Variants in CTNNA2 observed in about 807,000 individuals in gnomAD.
CTNNA2 encodes the protein catenin alpha-2.
Under a neutral mutation model 101.0 loss-of-function variants are expected in CTNNA2, and 42 were observed. The observed-to-expected ratio is 0.42, with a 90% CI of 0.32 to 0.54. The LOEUF is 0.54. Among genes scored for constraint, CTNNA2 ranks in the 20% least tolerant of loss-of-function variants. The probability of loss-of-function intolerance (pLI) is 0.14; values close to 1 mark genes in which losing one functional copy is unlikely to be tolerated. For synonymous variants in CTNNA2, 450 were observed against 456.4 expected (o/e 0.99, Z 0.18); for missense variants, 871 against 1,223.1 (o/e 0.71, Z 4.29).
intron 7 of CTNNA2, among the ~76,000 whole-genome samples, chr2:80,161,187 T>C (rs886696619): frequency 4.6e-5 from 7 of 152,172 alleles, no homozygotes; most frequent in Non-Finnish European, 1.0e-4. Flanking sequence ...AGCTAATTTT[T>C]GTACTTTTAG....
chr2:79,598,214 A>G (rs551894831), intron 1 of CTNNA2, among the ~76,000 whole-genome samples: 3 of 152,346 alleles, frequency 2.0e-5, no homozygotes, highest in South Asian at 2.1e-4. Context: ...TCACATAATG[A>G]AGGACATCTT....
chr2:80,583,598 CCTAGTATCCACTGA>C (rs1331358648), intron 14 of CTNNA2, among the ~76,000 whole-genome samples: 3 of 152,068 alleles, frequency 2.0e-5, no homozygotes, highest in Non-Finnish European at 4.4e-5. Context: ...ATACATACAG[CCTAGTATCCACTGA>C]CTAGTTTTCT....
chr2:80,174,429 T>C (rs1426720380), intron 7 of CTNNA2, among the ~76,000 whole-genome samples: 1 of 152,180 alleles, frequency 6.6e-6, no homozygotes, highest in Non-Finnish European at 1.5e-5. Flanking sequence ...CGTCATCCTC[T>C]GGGGCTACCT....
intron 9 of CTNNA2, among the ~76,000 whole-genome samples, chr2:80,433,187 A>G (rs1405419817): frequency 1.3e-5 from 2 of 152,088 alleles, no homozygotes; most frequent in African/African-American, 4.8e-5. Context: ...AAAAAAACCT[A>G]ATTTGCAATT....
chr2:79,746,828 A>G (rs1360268386), intron 3 of CTNNA2, among the ~76,000 whole-genome samples: 1 of 152,202 alleles, frequency 6.6e-6, no homozygotes, highest in African/African-American at 2.4e-5. Context: ...AGGATAATTA[A>G]GTATTTGTGA....
At chr2:79,459,732 T>G (rs532036177) in intron 4 of CTNNA2, among the ~76,000 whole-genome samples, 1 of 152,172 alleles carries the variant, frequency 6.6e-6, no homozygotes, top group Non-Finnish European at 1.5e-5. Flanking sequence ...TTAATATCTT[T>G]AGCATTGGTC....
chr2:79,512,961 C>A (rs1014802669), upstream of CTNNA2: 1 of 151,786 alleles, frequency 6.6e-6, no homozygotes, highest in Non-Finnish European at 1.5e-5. Flanking sequence ...CGCTGCCGCT[C>A]GCGCTTGGGC....
At chr2:80,232,862 C>T (rs1025840251) in intron 7 of CTNNA2, among the ~76,000 whole-genome samples, 3 of 152,150 alleles carry the variant, frequency 2.0e-5, no homozygotes, top group Non-Finnish European at 2.9e-5. Context: ...TCTCAACTTA[C>T]ACATGATGCA....
intron 2 of CTNNA2, among the ~76,000 whole-genome samples, chr2:79,674,137 C>G (rs908363881): frequency 6.6e-6 from 1 of 152,180 alleles, no homozygotes; most frequent in Non-Finnish European, 1.5e-5. Flanking sequence ...TCTGCACGAT[C>G]TGAGACATGT....
At chr2:79,457,091 A>G (rs1475742701) in intron 4 of CTNNA2, among the ~76,000 whole-genome samples, 1 of 151,762 alleles carries the variant, frequency 6.6e-6, no homozygotes, top group Non-Finnish European at 1.5e-5. Context: ...AGTCCCAGCT[A>G]CTCAGGAGGC....
intron 3 of CTNNA2, among the ~76,000 whole-genome samples, chr2:79,751,201 A>T (rs1487963114): frequency 1.3e-5 from 2 of 152,180 alleles, no homozygotes; most frequent in African/African-American, 4.8e-5. Flanking sequence ...TTCAGGCTGT[A>T]TCTAATTTTC....
At chr2:79,449,727 C>G (rs1472404436) in intron 4 of CTNNA2, among the ~76,000 whole-genome samples, 1 of 151,980 alleles carries the variant, frequency 6.6e-6, no homozygotes, top group Non-Finnish European at 1.5e-5. Flanking sequence ...CCTTGCTATT[C>G]CACATGAGCT....
chr2:79,352,473 CT>C (rs1472806199), intron 3 of CTNNA2, among the ~76,000 whole-genome samples: 2 of 152,044 alleles, frequency 1.3e-5, no homozygotes, highest in African/African-American at 4.8e-5. Flanking sequence ...GATATTCTCT[CT>C]TTTTTTCTGT....
intron 3 of CTNNA2, among the ~76,000 whole-genome samples, chr2:79,343,914 A>C (rs1677196553): frequency 6.6e-6 from 1 of 152,168 alleles, no homozygotes; most frequent in Non-Finnish European, 1.5e-5. Flanking sequence ...CAGAGACATA[A>C]GATAATAAAA....
At chr2:79,285,096 C>T (rs1043282875) in intron 2 of CTNNA2, among the ~76,000 whole-genome samples, 3 of 150,294 alleles carry the variant, frequency 2.0e-5, no homozygotes, top group Admixed American at 1.3e-4. Context: ...TCTGTGGGAT[C>T]GGTGGTGATA....
At chr2:79,365,631 A>C (rs997003163) in intron 3 of CTNNA2, among the ~76,000 whole-genome samples, 1 of 151,960 alleles carries the variant, frequency 6.6e-6, no homozygotes, top group Non-Finnish European at 1.5e-5. Context: ...CTAAAAAAAA[A>C]AAAGGAGAAA....
chr2:80,155,449 C>T (rs906549676), intron 7 of CTNNA2, among the ~76,000 whole-genome samples: 3 of 152,202 alleles, frequency 2.0e-5, no homozygotes, highest in Admixed American at 2.0e-4. Context: ...ACTGTTTCTG[C>T]CACAAAATCA....
At position 79,271,845 on chromosome 2, in the gene CTNNA2, C is replaced by T. The variant is rs532969004; in HGVS notation, c.-405-40864C>T. 2.1e-3 allele frequency among the ~76,000 whole-genome samples: 320 copies of T among 152,124 alleles called. 8 individuals are homozygous for T. Among genetic ancestry groups the T allele is most frequent in the Non-Finnish European group, 8.5e-4 (58 of 67,958 alleles). ...CTCTCCATTACCCTTTGGCTCCATC[C>T]CTATCCCAGGTGAATAGCAGGTATA... On this transcript the variant is annotated intron_variant, in intron 2 of 21. Coordinates refer to the CTNNA2 transcript ENST00000466387.
At chr2:80,119,318 A>G (rs1701702861) in intron 7 of CTNNA2, among the ~76,000 whole-genome samples, 1 of 152,138 alleles carries the variant, frequency 6.6e-6, no homozygotes, top group Non-Finnish European at 1.5e-5. Context: ...CATTAGCTAG[A>G]TTGGGTCACC....
Sources: allele counts gnomAD v4.1 joint callset (sites outside exome capture counted in the v4.1 genomes callset), GRCh38; gene constraint gnomAD v4.1.1; transcripts MANE v1.5; gene names NCBI Gene and HGNC (gene_info 2026-07-23, HGNC 2026-07-21).